ANP32B: variants seen among roughly 807,000 people sequenced by gnomAD.
ANP32B encodes the protein acidic leucine-rich nuclear phosphoprotein 32 family member B.
A neutral mutation model predicts 32.2 loss-of-function variants in ANP32B; 6 were observed. That is an observed-to-expected ratio of 0.19 (90% CI 0.10 to 0.37). The LOEUF (loss-of-function observed/expected upper bound fraction) is 0.37, where lower values mean the gene tolerates loss of function less well. ANP32B is among the 10% of genes least tolerant of loss of function. The probability of loss-of-function intolerance (pLI) is 1.00; values close to 1 mark genes in which losing one functional copy is unlikely to be tolerated. For missense variants in ANP32B, 204 were observed against 289.2 expected (o/e 0.71, Z 2.14); for synonymous variants, 98 against 105.8 (o/e 0.93, Z 0.45).
chr9:98,007,217 A>G (rs1427353675), intron 4 of ANP32B, among the ~76,000 whole-genome samples: 2 of 152,232 alleles, frequency 1.3e-5, no homozygotes, highest in African/African-American at 4.8e-5. Flanking sequence ...CTGCATTGCT[A>G]AAGTAAGAAG....
intron 3 of ANP32B, among the ~76,000 whole-genome samples, chr9:98,004,163 AACTTG>A (rs1394498501): frequency 1.3e-5 from 2 of 152,240 alleles, no homozygotes; most frequent in African/African-American, 2.4e-5. Flanking sequence ...CTACTCAGAA[AACTTG>A]ACTTGGGCCA....
intron 1 of ANP32B, among the ~76,000 whole-genome samples, chr9:97,984,018 C>T (rs1827650904): frequency 6.7e-6 from 1 of 150,232 alleles, no homozygotes; most frequent in African/African-American, 2.4e-5. Flanking sequence ...GCGGCCATCC[C>T]CGCCTGGGCC....
rs201028105 is a variant in ANP32B at position 98,015,535 on chromosome 9, C to A, written c.*104C>A. On this transcript the variant is annotated 3_prime_UTR_variant, in exon 7 of 7. Coordinates refer to ENST00000339399, the MANE Select transcript of ANP32B (RefSeq NM_006401.3). ...AAAAAAAGGTAGCTGTGATACAAAC[C>A]CCAGGACACCCACCCACCCAAAGAG... The A allele has an allele frequency of 3.8e-5, 54 of 1,436,436 alleles. No individual in the cohort carries two copies. The Admixed American group carries it at 6.9e-4, about 18-fold the overall frequency. 89.0% of individuals were successfully genotyped at this position (1,436,436 alleles called of 1,614,324 possible).
chr9:98,000,930 A>G (rs1166725788), intron 3 of ANP32B, among the ~76,000 whole-genome samples: 3 of 151,734 alleles, frequency 2.0e-5, no homozygotes, highest in African/African-American at 7.3e-5. Context: ...TCAAAAAAAA[A>G]AAAAAAAAAA....
intron 4 of ANP32B, among the ~76,000 whole-genome samples, chr9:98,009,144 C>T (rs146688486): frequency 2.0e-5 from 3 of 152,202 alleles, no homozygotes; most frequent in South Asian, 2.1e-4. Flanking sequence ...TGTTAGATTC[C>T]GTTTTTCATT....
intron 4 of ANP32B, 198 bp downstream of exon 4, chr9:98,005,351 T>G: frequency 2.7e-6 from 1 of 365,276 alleles, no homozygotes; most frequent in Non-Finnish European, 4.8e-6. Context: ...CTACAGAAAA[T>G]AGAAAAAAAA....
chr9:97,983,465 C>G lies in ANP32B; in HGVS notation c.-91C>G. On this transcript the variant is annotated 5_prime_UTR_variant, in exon 1 of 7. Coordinates refer to ENST00000339399, the MANE Select transcript of ANP32B (RefSeq NM_006401.3). ...CGGCCTCCGCCGCTAGCAAACCCTTCCGACGGCCCTCGCTGCGCAAGCCGG... is the reference window on the plus strand; with the variant it reads ...CGGCCTCCGCCGCTAGCAAACCCTTGCGACGGCCCTCGCTGCGCAAGCCGG... 1 of 1,238,202 alleles carries G rather than the reference C, an allele frequency of 8.1e-7. No homozygotes were observed. The highest frequency in any genetic ancestry group is 1.1e-6 in the Non-Finnish European group (1 of 878,046). The allele number at this position is 1,238,202 out of a possible 1,614,324, so 76.7% of individuals were successfully genotyped here.
intron 5 of ANP32B, among the ~76,000 whole-genome samples, chr9:98,011,749 CT>C (rs1313820454): frequency 6.6e-6 from 1 of 152,080 alleles, no homozygotes. Context: ...CAAGTCTAAA[CT>C]TTTTCTTGTA....
intron 1 of ANP32B, among the ~76,000 whole-genome samples, chr9:97,983,956 C>T (rs1827648879): frequency 2.0e-5 from 3 of 151,680 alleles, no homozygotes; most frequent in African/African-American, 7.2e-5. Context: ...GCCATGTTTG[C>T]AGCCTCCCGG....
At chr9:98,008,744 G>A (rs764673303) in intron 4 of ANP32B, among the ~76,000 whole-genome samples, 4 of 152,168 alleles carry the variant, frequency 2.6e-5, no homozygotes, top group Non-Finnish European at 4.4e-5. Flanking sequence ...GGACTGTCTA[G>A]TTGCAGGGAA....
At chr9:98,005,464 G>T (rs1312514332) in intron 4 of ANP32B, among the ~76,000 whole-genome samples, 1 of 152,000 alleles carries the variant, frequency 6.6e-6, no homozygotes, top group Non-Finnish European at 1.5e-5. Flanking sequence ...TGAGGCTACA[G>T]TGAGCCATGA....
At chr9:97,998,386 C>T (rs1456564172) in intron 2 of ANP32B, among the ~76,000 whole-genome samples, 170 bp from the exon 3 acceptor site, 1 of 152,204 alleles carries the variant, frequency 6.6e-6, no homozygotes, top group Non-Finnish European at 1.5e-5. Flanking sequence ...TTACCTTCTC[C>T]TGTTAATTAT....
rs1259590697 is a variant in ANP32B, at chr9:98,015,848, A to G, written c.*417A>G. The stretch of plus-strand genomic sequence containing the variant: ...TTTCATGCTTTGCTTTTTAATTATT[A>G]TTATTATTTTTTTTACATTAGGACA... On this transcript the variant is annotated 3_prime_UTR_variant, in exon 7 of 7. Coordinates refer to ENST00000339399, the MANE Select transcript of ANP32B (RefSeq NM_006401.3). 3.1e-6 allele frequency: 3 copies of G among 961,976 alleles called. No homozygotes were observed. The highest frequency in any genetic ancestry group is 4.8e-5 in the South Asian group (1 of 20,888). The allele number at this position is 961,976 out of a possible 1,614,324, so 59.6% of individuals were successfully genotyped here.
At chr9:97,986,611 T>G (rs561762728) in intron 1 of ANP32B, 1 of 152,352 alleles carries the variant, frequency 6.6e-6, no homozygotes, top group African/African-American at 2.4e-5. Context: ...TGGAGATCAC[T>G]CTCTTAAAAT....
At chr9:98,003,326 A>G (rs1037431747) in intron 3 of ANP32B, among the ~76,000 whole-genome samples, 4 of 152,214 alleles carry the variant, frequency 2.6e-5, no homozygotes, top group Admixed American at 2.6e-4. Flanking sequence ...CATCAAGAAG[A>G]TGAAGTTCTT....
intron 4 of ANP32B, among the ~76,000 whole-genome samples, chr9:98,009,928 T>G (rs982154161): frequency 6.6e-6 from 1 of 152,242 alleles, no homozygotes; most frequent in Non-Finnish European, 1.5e-5. Context: ...TAATGAGTTA[T>G]AAGGTGGTAA....
intron 6 of ANP32B, among the ~76,000 whole-genome samples, chr9:98,013,576 A>T (rs1828223787): frequency 6.6e-6 from 1 of 152,202 alleles, no homozygotes; most frequent in Non-Finnish European, 1.5e-5. Context: ...AGCCTGGACA[A>T]CATAGACCCT....
At chr9:97,988,461 G>A (rs866832157) in intron 1 of ANP32B, among the ~76,000 whole-genome samples, 8 of 152,102 alleles carry the variant, frequency 5.3e-5, no homozygotes, top group East Asian at 1.9e-4. Flanking sequence ...ACAGTGGCTC[G>A]TGCCTATAAT....
At chr9:97,984,618 C>A (rs1564133946) in intron 1 of ANP32B, 1 of 150,856 alleles carries the variant, frequency 6.6e-6, no homozygotes, top group Non-Finnish European at 1.5e-5. Flanking sequence ...CCTGGTGAGC[C>A]GGCCCACGAG....
Sources: gnomAD v4.1 joint callset for allele counts (sites outside exome capture counted in the v4.1 genomes callset) on GRCh38, gnomAD v4.1.1 for gene constraint, MANE v1.5 for transcripts, NCBI Gene and HGNC (gene_info 2026-07-23, HGNC 2026-07-21) for gene names.